ACACA: variants seen among roughly 807,000 people sequenced by gnomAD.
ACACA encodes the protein acetyl-CoA carboxylase 1.
Under a neutral mutation model 296.1 loss-of-function variants are expected in ACACA, and 103 were observed. That is an observed-to-expected ratio of 0.35 (90% CI 0.30 to 0.41). The LOEUF (loss-of-function observed/expected upper bound fraction) is 0.41, where lower values mean the gene tolerates loss of function less well. Ranked by LOEUF, ACACA falls within the 10% of genes least tolerant of loss-of-function variation. ACACA has a pLI of 1.00. For missense variants in ACACA, 1,554 were observed against 2,989.7 expected (o/e 0.52, Z 11.20); for synonymous variants, 953 against 1,038.6 (o/e 0.92, Z 1.58).
At chr17:37,318,790 T>C (rs2047211097) in intron 3 of ACACA, among the ~76,000 whole-genome samples, 1 of 152,136 alleles carries the variant, frequency 6.6e-6, no homozygotes. Flanking sequence ...CTTAACTCTA[T>C]CTCTACCACT....
At chr17:37,282,376 G>A (rs893699250) in intron 5 of ACACA, among the ~76,000 whole-genome samples, 1 of 152,196 alleles carries the variant, frequency 6.6e-6, no homozygotes, top group African/African-American at 2.4e-5. Flanking sequence ...AGAATTGTGA[G>A]CCAATTAAAC....
intron 54 of ACACA, among the ~76,000 whole-genome samples, chr17:37,089,883 C>T (rs775396047): frequency 6.6e-6 from 1 of 152,168 alleles, no homozygotes; most frequent in Admixed American, 6.5e-5. Flanking sequence ...ATTTAGGAAT[C>T]GTTTTGTTAA....
intron 1 of ACACA, among the ~76,000 whole-genome samples, chr17:37,359,889 G>A (rs1010556484): frequency 1.3e-5 from 2 of 152,002 alleles, no homozygotes; most frequent in Non-Finnish European, 2.9e-5. Flanking sequence ...GTGTTGAGGA[G>A]AAGCCTCAGT....
At chr17:37,272,160 T>C (rs2082098909) in intron 9 of ACACA, among the ~76,000 whole-genome samples, 1 of 152,006 alleles carries the variant, frequency 6.6e-6, no homozygotes, top group African/African-American at 2.4e-5. Flanking sequence ...CCAGCCCAAC[T>C]TGGTGAAACC....
chr17:37,134,132 A>G (rs1038137726), intron 45 of ACACA, among the ~76,000 whole-genome samples: 1 of 152,240 alleles, frequency 6.6e-6, no homozygotes. Flanking sequence ...GTTGAGATAC[A>G]TAAGAAGTAC....
chr17:37,133,137 A>G (rs2075178912), intron 45 of ACACA, among the ~76,000 whole-genome samples: 1 of 152,302 alleles, frequency 6.6e-6, no homozygotes. Context: ...ATAGACTAAG[A>G]GTATCCCAAT....
chr17:37,226,295 A>G lies in ACACA; in HGVS notation c.3360+44T>C, dbSNP rs762501274. On this transcript the variant is annotated intron_variant, in intron 26 of 55. Coordinates refer to ENST00000616317, the MANE Select transcript of ACACA (RefSeq NM_198834.3). ...CATTGTGTCTAGGACTGCCTGATCT[A>G]TGAAAGCCATCCCTCCTTTAAGAAA... The G allele has an allele frequency of 2.1e-6, 3 of 1,451,360 alleles. No individual in the cohort carries two copies. The South Asian group carries it at 3.4e-5, about 17-fold the overall frequency. The allele number at this position is 1,451,360 out of a possible 1,614,324, so 89.9% of individuals were successfully genotyped here.
intron 41 of ACACA, among the ~76,000 whole-genome samples, chr17:37,176,390 T>G (rs993599516): frequency 1.3e-5 from 2 of 152,184 alleles, no homozygotes; most frequent in African/African-American, 4.8e-5. Flanking sequence ...AGCCTTGGCT[T>G]TCAGAACATT....
At chr17:37,324,212 C>T (rs968382245) in intron 3 of ACACA, among the ~76,000 whole-genome samples, 7 of 151,418 alleles carry the variant, frequency 4.6e-5, no homozygotes, top group Non-Finnish European at 1.0e-4. Flanking sequence ...ACTACAAATA[C>T]AAAATTAGCC....
At chr17:37,289,465 T>C (rs2146687630) in intron 3 of ACACA, 1 of 1,352,102 alleles carries the variant, frequency 7.4e-7, no homozygotes, top group Non-Finnish European at 9.8e-7. Flanking sequence ...CATTTCTTCA[T>C]CTGTCCTCAT....
At chr17:37,386,929 C>A (rs1007688628) in intron 1 of ACACA, 2 of 152,008 alleles carry the variant, frequency 1.3e-5, no homozygotes, top group Admixed American at 6.6e-5. Context: ...GTGATCCCCC[C>A]ACCTCAGCCT....
chr17:37,246,988 G>A lies in ACACA; in HGVS notation c.2310-12C>T, dbSNP rs2080739694. On this transcript the variant is annotated splice_polypyrimidine_tract_variant and intron_variant, in intron 18 of 55. Coordinates refer to ENST00000616317, the MANE Select transcript of ACACA (RefSeq NM_198834.3). The stretch of plus-strand genomic sequence containing the variant: ...TTGTGATGCGATATCTAGGAGACAA[G>A]TGGAAGTATGTAAGCTAAGAAAGCA... 6.2e-7 allele frequency: 1 copy of A among 1,613,968 alleles called. No homozygotes were observed. Among genetic ancestry groups the A allele is most frequent in the African/African-American group, 1.3e-5 (1 of 75,002 alleles).
At chr17:37,262,481 A>G (rs1233933796) in intron 11 of ACACA, among the ~76,000 whole-genome samples, 1 of 152,224 alleles carries the variant, frequency 6.6e-6, no homozygotes, top group African/African-American at 2.4e-5. Context: ...GTAAAGAGCC[A>G]GATAGTAATT....
intron 1 of ACACA, chr17:37,359,240 A>C: frequency 1.4e-6 from 1 of 715,776 alleles, no homozygotes; most frequent in Non-Finnish European, 1.7e-6. Flanking sequence ...CAGGCCGTTC[A>C]CCTCCGACCC....
chr17:37,391,843 C>A, intron 1 of ACACA: 1 of 923,262 alleles, frequency 1.1e-6, no homozygotes, highest in Non-Finnish European at 1.7e-6. Context: ...AATCAAACAC[C>A]AATTCCTGGT....
At chr17:37,173,982 T>TTATTTATATATTTTTA (rs1555573869) in intron 41 of ACACA, among the ~76,000 whole-genome samples, 2 of 19,440 alleles carry the variant, frequency 1.0e-4, no homozygotes, top group African/African-American at 3.3e-4. Context: ...CCTGGCTAAT[T>TTATTTATATATTTTTA]TATATATATA....
intron 2 of ACACA, among the ~76,000 whole-genome samples, chr17:37,336,206 G>A (rs2048110283): frequency 6.6e-6 from 1 of 152,090 alleles, no homozygotes; most frequent in Non-Finnish European, 1.5e-5. Context: ...GCTAGCCCAT[G>A]CTCTGATGTT....
intron 3 of ACACA, among the ~76,000 whole-genome samples, chr17:37,311,388 T>C (rs560965244): frequency 7.9e-4 from 120 of 151,154 alleles, no homozygotes; most frequent in African/African-American, 2.9e-3. Context: ...AGGAAAAATG[T>C]TGTCAGCATT....
intron 45 of ACACA, among the ~76,000 whole-genome samples, chr17:37,145,187 G>A (rs1156484604): frequency 6.6e-6 from 1 of 152,152 alleles, no homozygotes; most frequent in African/African-American, 2.4e-5. Flanking sequence ...GTGGGAGGAG[G>A]GAAGTAAATA....
Sources: allele counts gnomAD v4.1 joint callset (sites outside exome capture counted in the v4.1 genomes callset), GRCh38; gene constraint gnomAD v4.1.1; transcripts MANE v1.5; gene names NCBI Gene and HGNC (gene_info 2026-07-23, HGNC 2026-07-21).